Variants in PRMT2 observed in about 807,000 individuals in gnomAD.
PRMT2 encodes the protein protein arginine methyltransferase 2, also known as protein arginine N-methyltransferase 2.
A neutral mutation model predicts 57.6 loss-of-function variants in PRMT2; 26 were observed. The ratio of observed to expected loss-of-function variants is 0.45; its 90% CI spans 0.33 to 0.63. The LOEUF (loss-of-function observed/expected upper bound fraction) is 0.63. Among genes scored for constraint, PRMT2 ranks in the 20% least tolerant of loss-of-function variants. The pLI is 0.02. For synonymous variants in PRMT2, 219 were observed against 220.0 expected (o/e 1.00, Z 0.04); for missense variants, 472 against 564.4 (o/e 0.84, Z 1.66).
Position 46,644,781 on chromosome 21 carries a change from A to T in PRMT2, c.327+293A>T, listed in dbSNP as rs531223797. ...ATTTAAAAAAATCATTTAAAAATGT[A>T]AAACCCACTGTTAGTTTGGAGGCCA... On this transcript the variant is annotated intron_variant, in intron 5 of 11. Coordinates refer to ENST00000355680, the MANE Select transcript of PRMT2 (RefSeq NM_206962.4). Among the ~76,000 whole-genome samples the T allele has an allele frequency of 1.3e-3, 201 of 152,320 alleles. 1 individual carries two copies. Among genetic ancestry groups the T allele is most frequent in the Admixed American group, 3.0e-3 (46 of 15,306 alleles).
Position 46,658,808 on chromosome 21 carries a change from A to G in PRMT2, c.718A>G (p.Ile240Val). 1.2e-6 allele frequency: 2 copies of G among 1,614,206 alleles called. No homozygotes were observed. Among genetic ancestry groups the G allele is most frequent in the Non-Finnish European group, 1.7e-6 (2 of 1,180,032 alleles). ...TGCCTGGCTGAAGGAGGACGGGGTCATTTGGCCCACCATGGCTGCGTTGCA... is the reference window on the plus strand; with the variant it reads ...TGCCTGGCTGAAGGAGGACGGGGTCGTTTGGCCCACCATGGCTGCGTTGCA... ...RDAWLKEDGV[I>V]WPTMAALHLV... Residue 240 changes from isoleucine (I) to valine (V), a missense_variant, in exon 8 of 12, where the codon ATT becomes GTT. By Grantham distance (29) the Ile-to-Val change is conservative (BLOSUM62 3). Coordinates refer to ENST00000355680, the MANE Select transcript of PRMT2 (RefSeq NM_206962.4).
At chr21:46,637,608 C>G (rs942391057) in intron 3 of PRMT2, among the ~76,000 whole-genome samples, 4 of 151,944 alleles carry the variant, frequency 2.6e-5, no homozygotes, top group African/African-American at 9.7e-5. Context: ...CAGAATCTTT[C>G]GTTAATTTCT....
intron 11 of PRMT2, 120 bp from the exon 12 acceptor site, chr21:46,664,175 T>G (rs1282822968): frequency 1.3e-6 from 1 of 781,622 alleles, no homozygotes; most frequent in Non-Finnish European, 2.1e-6. Context: ...AAGTTTGTCA[T>G]TTAAAAAAAT....
intron 4 of PRMT2, among the ~76,000 whole-genome samples, chr21:46,644,070 T>G (rs1005739117): frequency 6.6e-6 from 1 of 152,170 alleles, no homozygotes; most frequent in Non-Finnish European, 1.5e-5. Context: ...TTTGAAAATG[T>G]TTACTCCTTC....
chr21:46,652,219 CA>C, intron 7 of PRMT2: 2 of 1,373,420 alleles, frequency 1.5e-6, no homozygotes, highest in Non-Finnish European at 9.4e-7. Flanking sequence ...AAGGAGGAAA[CA>C]AAAAAATTGC....
rs555283999 is a variant in PRMT2, at chr21:46,641,691, T to TA, written c.40-1835dup. Among the ~76,000 whole-genome samples, 39 of 147,464 alleles carry TA rather than the reference T, an allele frequency of 2.6e-4. 1 individual carries two copies. Among genetic ancestry groups the TA allele is most frequent in the East Asian group, 1.4e-3 (7 of 4,950 alleles). The stretch of plus-strand genomic sequence containing the variant: ...TAGGCGACAGAGCGAGACTCCATCC[T>TA]AAAAAAAAAGCCAAACAAAGAAACA... On this transcript the variant is annotated intron_variant, in intron 3 of 11. Coordinates refer to ENST00000355680, the MANE Select transcript of PRMT2 (RefSeq NM_206962.4).
Position 46,649,773 on chromosome 21 carries a change from A to G in PRMT2, c.654+34A>G. ...GGGCGTGCGGGCAGCTGGGGGCCGG[A>G]GCTGGGGGGCTTCTGAGCACGGGCT... is the stretch of plus-strand genomic sequence containing the variant. On this transcript the variant is annotated intron_variant, in intron 7 of 11. Coordinates refer to ENST00000355680, the MANE Select transcript of PRMT2 (RefSeq NM_206962.4). This position sits in a 1 kb window ranked among gnomAD's most constrained non-coding sequence, Gnocchi z 4.8. 1.3e-6 allele frequency: 2 copies of G among 1,598,250 alleles called. No homozygotes were observed. Among genetic ancestry groups the G allele is most frequent in the Non-Finnish European group, 1.7e-6 (2 of 1,172,166 alleles).
intron 7 of PRMT2, among the ~76,000 whole-genome samples, chr21:46,650,899 C>T (rs1166011322): frequency 6.6e-6 from 1 of 152,186 alleles, no homozygotes; most frequent in East Asian, 1.9e-4. Flanking sequence ...ATTGGCCAGA[C>T]TGTGTTGCAT....
Position 46,649,634 on chromosome 21 carries a change from C to T in PRMT2, c.549C>T (p.Asn183=), listed in dbSNP as rs2061418743. 3.1e-6 allele frequency: 5 copies of T among 1,613,948 alleles called. No individual in the cohort carries two copies. The highest frequency in any genetic ancestry group is 1.3e-5 in the African/African-American group (1 of 74,902). Residue 183 remains asparagine, a synonymous_variant, in exon 7 of 12, where the codon AAC becomes AAT. Transcript: ENST00000355680. The surrounding 1 kb of genome is among the most constrained non-coding windows in gnomAD (Gnocchi z 4.8). The stretch of plus-strand genomic sequence containing the variant: ...ACACGGGGCAGCTGGTCCTGCAGAA[C>T]GGCTTTGCTGACATCATCACCGTGT... The part of the protein sequence containing the change: ...AQHTGQLVLQ[N]GFADIITVYQ...
rs1456044083 is a variant in PRMT2, at chr21:46,649,411, C to T, written c.490-164C>T. 1.8e-6 allele frequency: 2 copies of T among 1,115,360 alleles called. No individual in the cohort carries two copies. The highest frequency in any genetic ancestry group is 3.8e-5 in the Admixed American group (2 of 52,760). The allele number at this position is 1,115,360 out of a possible 1,614,324, so 69.1% of individuals were successfully genotyped here. A position where few individuals can be genotyped will look rare whatever the true frequency, so the allele number is the denominator to read the frequency against. On this transcript the variant is annotated intron_variant, in intron 6 of 11. Coordinates refer to ENST00000355680, the MANE Select transcript of PRMT2 (RefSeq NM_206962.4). The surrounding 1 kb of genome is among the most constrained non-coding windows in gnomAD (Gnocchi z 4.8). ...AGAGGCGGCTCCTTTCTGGGTGCCC[C>T]TGGAGGGGCAGGTGTGGCCAGTCCT...
intron 5 of PRMT2, among the ~76,000 whole-genome samples, chr21:46,645,422 C>T (rs145017692): frequency 1.3e-4 from 17 of 133,418 alleles, no homozygotes; most frequent in South Asian, 7.6e-4. Flanking sequence ...GCTATGATTG[C>T]GCTACTGCAC....
In PRMT2 at chr21:46,649,906, G is replaced by T. The variant is rs544545934; in HGVS notation, c.654+167G>T. 2.1e-6 allele frequency: 3 copies of T among 1,456,966 alleles called. No homozygotes were observed. The East Asian group carries it at 7.5e-5, about 37-fold the overall frequency. The allele number at this position is 1,456,966 out of a possible 1,614,324, so 90.3% of individuals were successfully genotyped here. A position where few individuals can be genotyped will look rare whatever the true frequency, so the allele number is the denominator to read the frequency against. ...TGTGTGGACATTGGCTCAGTGTCTTGAATTTTCACCTGATTTAAAAAATGC... is the reference window on the plus strand; with the variant it reads ...TGTGTGGACATTGGCTCAGTGTCTTTAATTTTCACCTGATTTAAAAAATGC... On this transcript the variant is annotated intron_variant, in intron 7 of 11. Transcript: ENST00000355680. This position sits in a 1 kb window ranked among gnomAD's most constrained non-coding sequence, Gnocchi z 4.8.
chr21:46,663,978 T>G (rs1362066311), intron 11 of PRMT2, among the ~76,000 whole-genome samples: 6 of 152,292 alleles, frequency 3.9e-5, no homozygotes, highest in Non-Finnish European at 7.4e-5. Flanking sequence ...CTGGCAGCCT[T>G]CGGATCCGTG....
At chr21:46,643,292 T>A (rs1358670080) in intron 3 of PRMT2, 1 of 633,310 alleles carries the variant, frequency 1.6e-6, no homozygotes, top group Non-Finnish European at 2.1e-6. Context: ...GGTGCCTGTT[T>A]CTGACTTCTT....
intron 7 of PRMT2, chr21:46,651,789 T>G: frequency 6.2e-7 from 1 of 1,612,730 alleles, no homozygotes; most frequent in Non-Finnish European, 8.5e-7. Context: ...GTACCCACCT[T>G]CACTTTCCGT....
chr21:46,646,010 G>A (rs9975552), intron 5 of PRMT2, among the ~76,000 whole-genome samples: 1,890 of 152,186 alleles, frequency 0.012, 34 homozygotes, highest in African/African-American at 0.043. Flanking sequence ...CATTGCGCCC[G>A]GCCGGAAGGT....
chr21:46,637,077 A>G (rs2061185894), intron 3 of PRMT2, 87 bp downstream of exon 3: 1 of 1,447,888 alleles, frequency 6.9e-7, no homozygotes, highest in East Asian at 2.4e-5. Flanking sequence ...GATGTGATGG[A>G]GCTTGGCTTG....
In PRMT2 at chr21:46,644,240, C is replaced by T; in HGVS notation, c.145-66C>T. On this transcript the variant is annotated intron_variant, in intron 4 of 11. Coordinates refer to ENST00000355680, the MANE Select transcript of PRMT2 (RefSeq NM_206962.4). The stretch of plus-strand genomic sequence containing the variant: ...TTTTGTCACCATTGATGGGATTTAT[C>T]ACTGAGCCACATTTGAAATACCAAT... 4.7e-6 allele frequency: 7 copies of T among 1,488,700 alleles called. No homozygotes were observed. In the South Asian group the frequency reaches 8.5e-5, roughly 18 times the overall value. 92.2% of individuals were successfully genotyped at this position (1,488,700 alleles called of 1,614,324 possible).
chr21:46,637,576 A>G (rs952546138), intron 3 of PRMT2, among the ~76,000 whole-genome samples: 1 of 151,968 alleles, frequency 6.6e-6, no homozygotes, highest in Admixed American at 6.5e-5. Flanking sequence ...GGCTTTTTAT[A>G]TATAGGAATT....
Sources: gnomAD v4.1 joint callset for allele counts (sites outside exome capture counted in the v4.1 genomes callset) on GRCh38, gnomAD v4.1.1 for gene constraint, Gnocchi (gnomAD v3.1) non-coding constraint, MANE v1.5 for transcripts, NCBI Gene and HGNC (gene_info 2026-07-23, HGNC 2026-07-21) for gene names.